EXOC2: variants seen among roughly 807,000 people sequenced by gnomAD.
EXOC2 encodes exocyst complex component 2.
A neutral mutation model predicts 131.8 loss-of-function variants in EXOC2; 70 were observed. The ratio of observed to expected loss-of-function variants is 0.53; its 90% CI spans 0.44 to 0.65. The LOEUF (loss-of-function observed/expected upper bound fraction) is 0.65. EXOC2 is among the 30% of genes least tolerant of loss of function. EXOC2 has a pLI of 0.00. For missense variants in EXOC2, 923 were observed against 1,108.6 expected (o/e 0.83, Z 2.38); for synonymous variants, 411 against 398.4 (o/e 1.03, Z -0.38).
chr6:486,604 G>C lies in EXOC2; in HGVS notation c.*67C>G. The C allele has an allele frequency of 1.5e-6, 2 of 1,362,936 alleles. No homozygotes were observed. The highest frequency in any genetic ancestry group is 2.1e-6 in the Non-Finnish European group (2 of 958,930). The allele number at this position is 1,362,936 out of a possible 1,614,324, so 84.4% of individuals were successfully genotyped here. A position where few individuals can be genotyped will look rare whatever the true frequency, so the allele number is the denominator to read the frequency against. On this transcript the variant is annotated 3_prime_UTR_variant, in exon 28 of 28. Transcript: ENST00000230449. ...ATGTTTAATACACCAAATACCTTTA[G>C]GGTACTTAGAGAGTGAACAGTCTTA...
chr6:505,009 G>GT (rs1764447606), intron 23 of EXOC2, among the ~76,000 whole-genome samples: 1 of 152,134 alleles, frequency 6.6e-6, no homozygotes, highest in Non-Finnish European at 1.5e-5. Context: ...GAAATGCAAG[G>GT]TATTAAGTTT....
At chr6:503,007 G>C (rs1023759145) in intron 23 of EXOC2, among the ~76,000 whole-genome samples, 8 of 152,306 alleles carry the variant, frequency 5.3e-5, no homozygotes, top group East Asian at 1.9e-4. Context: ...GGAAAGGGCC[G>C]GAGTGAGGCG....
At position 576,843 on chromosome 6, in the gene EXOC2, T is replaced by C. The variant is rs1030211335; in HGVS notation, c.1232A>G (p.Asn411Ser). The C allele has an allele frequency of 1.9e-6, 3 of 1,613,988 alleles. No homozygotes were observed. Among genetic ancestry groups the C allele is most frequent in the East Asian group, 2.2e-5 (1 of 44,890 alleles). The change falls in exon 12 of 28, where the codon AAT becomes AGT. Residue 411 changes from asparagine (N) to serine (S), a missense_variant. By Grantham distance (46) the Asn-to-Ser change is conservative (BLOSUM62 1). Transcript: ENST00000230449. ...GCCCAACACTGAGGGACGTGTATCATTATCAAGATCCAACATGGGACTGTG... is the reference window on the plus strand; with the variant it reads ...GCCCAACACTGAGGGACGTGTATCACTATCAAGATCCAACATGGGACTGTG... ...GLHSPMLDLDNDTRPSVLGHL... is the reference protein window; with the variant it reads ...GLHSPMLDLDSDTRPSVLGHL...
chr6:677,758 C>A (rs554565535), intron 1 of EXOC2, among the ~76,000 whole-genome samples: 1 of 152,164 alleles, frequency 6.6e-6, no homozygotes. Flanking sequence ...TGAGCCACTG[C>A]GCCCAGCCTT....
chr6:497,443 AC>A lies in EXOC2; in HGVS notation c.2482del (p.Val828Ter). ...KELVPRVLSK[V>X]IEAVSEELSR... ...GAGCTCTTCAGAAACTGCTTCTATC[AC>A]CTTGGATAGTACCCGAGGGACCAGT... On this transcript the variant is annotated frameshift_variant, in exon 25 of 28. Transcript: ENST00000230449. LOFTEE classifies it high-confidence loss of function. The A allele has an allele frequency of 6.2e-7, 1 of 1,613,988 alleles. No individual in the cohort carries two copies. The highest frequency in any genetic ancestry group is 8.5e-7 in the Non-Finnish European group (1 of 1,179,926).
intron 15 of EXOC2, among the ~76,000 whole-genome samples, 190 bp downstream of exon 15, chr6:564,355 C>T (rs1244865197): frequency 6.6e-6 from 1 of 152,156 alleles, no homozygotes; most frequent in African/African-American, 2.4e-5. Flanking sequence ...AACTCAAGAA[C>T]ATTCTAGTCC....
At chr6:567,572 T>G (rs59169093) in intron 13 of EXOC2, among the ~76,000 whole-genome samples, 1,821 of 152,338 alleles carry the variant, frequency 0.012, 41 homozygotes, top group African/African-American at 0.042. Context: ...ATGTGTAAAT[T>G]TATGTGTATG....
intron 22 of EXOC2, 147 bp downstream of exon 22, chr6:549,028 T>C: frequency 1.4e-6 from 1 of 690,000 alleles, no homozygotes; most frequent in Non-Finnish European, 2.6e-6. Flanking sequence ...TCCAAAGCTT[T>C]AGCAGGGTGA....
intron 1 of EXOC2, among the ~76,000 whole-genome samples, chr6:689,618 T>A (rs942519245): frequency 6.6e-6 from 1 of 152,176 alleles, no homozygotes; most frequent in African/African-American, 2.4e-5. Context: ...TACTACAGAG[T>A]TTAGTTCTTA....
intron 23 of EXOC2, among the ~76,000 whole-genome samples, chr6:509,176 T>G (rs1215250303): frequency 6.6e-6 from 1 of 152,274 alleles, no homozygotes; most frequent in East Asian, 1.9e-4. Context: ...CTGCTTAGTA[T>G]TCTAGCATGG....
At chr6:580,861 C>T (rs372680527) in intron 11 of EXOC2, among the ~76,000 whole-genome samples, 6 of 152,262 alleles carry the variant, frequency 3.9e-5, no homozygotes, top group African/African-American at 1.4e-4. Flanking sequence ...ATTCCGATCA[C>T]TGTTCGTACA....
At chr6:493,647 T>G (rs1475300646) in intron 25 of EXOC2, among the ~76,000 whole-genome samples, 1 of 152,230 alleles carries the variant, frequency 6.6e-6, no homozygotes, top group East Asian at 1.9e-4. Context: ...TTCTGGAGTT[T>G]GGCACCTAAT....
chr6:568,214 T>C (rs1441243860), intron 13 of EXOC2, among the ~76,000 whole-genome samples: 1 of 152,216 alleles, frequency 6.6e-6, no homozygotes, highest in East Asian at 1.9e-4. Flanking sequence ...ATCAATGCAC[T>C]GTGCACGGCA....
At chr6:684,620 A>G (rs1007163474) in intron 1 of EXOC2, among the ~76,000 whole-genome samples, 1 of 152,344 alleles carries the variant, frequency 6.6e-6, no homozygotes, top group African/African-American at 2.4e-5. Context: ...TTTCTGCAAC[A>G]GAAGTCAGAA....
Position 491,066 on chromosome 6 carries a change from A to G in EXOC2, c.2621+59T>C, listed in dbSNP as rs557181524. On this transcript the variant is annotated intron_variant, in intron 26 of 27. Transcript: ENST00000230449. ...GTCATCTTTACAGAGGACAGAATTGACTAGTAAGACAACCTTTATTTTTAA... is the reference window on the plus strand; with the variant it reads ...GTCATCTTTACAGAGGACAGAATTGGCTAGTAAGACAACCTTTATTTTTAA... 1.4e-5 allele frequency: 21 copies of G among 1,531,430 alleles called. No individual in the cohort carries two copies. In the East Asian group the frequency reaches 4.7e-4, roughly 34 times the overall value. 94.9% of individuals were successfully genotyped at this position (1,531,430 alleles called of 1,614,324 possible). A position where few individuals can be genotyped will look rare whatever the true frequency, so the allele number is the denominator to read the frequency against.
At chr6:495,403 T>G (rs530906105) in intron 25 of EXOC2, among the ~76,000 whole-genome samples, 1 of 151,608 alleles carries the variant, frequency 6.6e-6, no homozygotes, top group Non-Finnish European at 1.5e-5. Context: ...GGATTACAGG[T>G]GTGAGCCACC....
intron 11 of EXOC2, among the ~76,000 whole-genome samples, chr6:581,758 C>A (rs1484713556): frequency 6.6e-6 from 1 of 151,898 alleles, no homozygotes; most frequent in African/African-American, 2.4e-5. Flanking sequence ...ATCCTTTAAC[C>A]ACTTAACATT....
intron 2 of EXOC2, among the ~76,000 whole-genome samples, chr6:636,088 G>T (rs1762088911): frequency 6.6e-6 from 1 of 152,206 alleles, no homozygotes. Context: ...GCAACAAAAA[G>T]AAAAGTAATA....
chr6:549,738 T>C (rs75028685), intron 21 of EXOC2, among the ~76,000 whole-genome samples: 2,533 of 152,364 alleles, frequency 0.017, 46 homozygotes, highest in African/African-American at 0.042. Context: ...TAAATTTTTA[T>C]AACCTGGAAC....
Sources: gnomAD v4.1 joint callset for allele counts (sites outside exome capture counted in the v4.1 genomes callset) on GRCh38, gnomAD v4.1.1 for gene constraint, MANE v1.5 for transcripts, NCBI Gene and HGNC (gene_info 2026-07-23, HGNC 2026-07-21) for gene names.